Variants in MGAT5 observed in about 807,000 individuals in gnomAD.
The protein encoded by MGAT5 is alpha-1,6-mannosylglycoprotein 6-beta-N-acetylglucosaminyltransferase A.
A neutral mutation model predicts 94.3 loss-of-function variants in MGAT5; 30 were observed. That is an observed-to-expected ratio of 0.32 (90% CI 0.24 to 0.43). The LOEUF (loss-of-function observed/expected upper bound fraction) is 0.43, where lower values mean the gene tolerates loss of function less well. Ranked by LOEUF, MGAT5 falls within the 20% of genes least tolerant of loss-of-function variation. The probability of loss-of-function intolerance (pLI) is 1.00; values close to 1 mark genes in which losing one functional copy is unlikely to be tolerated. For missense variants in MGAT5, 691 were observed against 905.5 expected (o/e 0.76, Z 3.04); for synonymous variants, 310 against 322.9 (o/e 0.96, Z 0.43).
At chr2:134,197,369 A>G (rs750205016) in intron 1 of MGAT5, among the ~76,000 whole-genome samples, 2 of 152,242 alleles carry the variant, frequency 1.3e-5, no homozygotes, top group Non-Finnish European at 2.9e-5. Context: ...TGAGTAATTT[A>G]TATGAGAGAG....
intron 1 of MGAT5, among the ~76,000 whole-genome samples, chr2:134,137,826 A>T (rs1311659751): frequency 6.6e-6 from 1 of 152,036 alleles, no homozygotes; most frequent in Non-Finnish European, 1.5e-5. Context: ...TTACTGTTTA[A>T]AGATAATGTA....
At chr2:134,243,043 G>C (rs2105452653) in intron 1 of MGAT5, among the ~76,000 whole-genome samples, 1 of 151,762 alleles carries the variant, frequency 6.6e-6, no homozygotes, top group South Asian at 2.1e-4. Context: ...TGGGGTGGGA[G>C]AAGAGCAGAG....
chr2:134,298,796 T>C (rs1160598298), intron 2 of MGAT5, among the ~76,000 whole-genome samples: 1 of 152,092 alleles, frequency 6.6e-6, no homozygotes, highest in African/African-American at 2.4e-5. Flanking sequence ...AGTGTGTTTA[T>C]GTAGGCAGGA....
At chr2:134,343,006 T>G (rs1172756269) in intron 7 of MGAT5, among the ~76,000 whole-genome samples, 1 of 152,206 alleles carries the variant, frequency 6.6e-6, no homozygotes, top group Non-Finnish European at 1.5e-5. Context: ...CACTGTGTAG[T>G]GGGCACCTAG....
intron 1 of MGAT5, among the ~76,000 whole-genome samples, chr2:134,217,238 G>GGTGTGTGTGTGTGTGTGTGTGTGTGT (rs35795776): frequency 9.2e-4 from 134 of 145,218 alleles, no homozygotes; most frequent in African/African-American, 3.1e-3. Flanking sequence ...GAGAGAGAGT[G>GGTGTGTGTGTGTGTGTGTGTGTGTGT]GTGTGTGTGT....
rs1390441029 is a variant in MGAT5 at position 134,448,873 on chromosome 2, T to C, written c.*26T>C. 3.7e-6 allele frequency: 6 copies of C among 1,604,452 alleles called. No individual in the cohort carries two copies. The highest frequency in any genetic ancestry group is 2.7e-5 in the African/African-American group (2 of 74,738). On this transcript the variant is annotated 3_prime_UTR_variant, in exon 16 of 16. Transcript: ENST00000281923. ...CAGCTACCTGCTCAGCCCTGCACCA[T>C]GCTGCTGGGGAAGACAGTGGCCCCA... is the stretch of plus-strand genomic sequence containing the variant.
intron 12 of MGAT5, among the ~76,000 whole-genome samples, chr2:134,414,168 T>G (rs75096291): frequency 1.1e-4 from 17 of 151,880 alleles, no homozygotes; most frequent in South Asian, 4.2e-4. Flanking sequence ...TGGTTTTTTT[T>G]TTTTTTCCTT....
At chr2:134,175,811 G>A (rs1005030703) in intron 1 of MGAT5, among the ~76,000 whole-genome samples, 10 of 152,134 alleles carry the variant, frequency 6.6e-5, no homozygotes, top group Non-Finnish European at 1.2e-4. Flanking sequence ...GGTGGAGGCC[G>A]CTTTACTTTG....
intron 2 of MGAT5, among the ~76,000 whole-genome samples, chr2:134,274,016 C>G (rs1455014013): frequency 6.6e-6 from 1 of 152,196 alleles, no homozygotes; most frequent in African/African-American, 2.4e-5. Flanking sequence ...AAGACCCATT[C>G]TGTCTTTCTC....
intron 4 of MGAT5, among the ~76,000 whole-genome samples, chr2:134,326,038 TTCTC>T (rs61556184): frequency 1.5e-5 from 2 of 135,542 alleles, no homozygotes; most frequent in African/African-American, 5.5e-5. Context: ...TGATTTCTCT[TTCTC>T]TCTCTCTCTC....
intron 1 of MGAT5, among the ~76,000 whole-genome samples, chr2:134,226,617 C>G (rs1483135112): frequency 1.3e-5 from 2 of 152,090 alleles, no homozygotes; most frequent in African/African-American, 2.4e-5. Flanking sequence ...GCAAATATTT[C>G]AAGATGATGT....
chr2:134,261,014 G>GCCAGGCCAAGTTCACAAGCACGC (rs1683300535), intron 1 of MGAT5, among the ~76,000 whole-genome samples: 1 of 152,078 alleles, frequency 6.6e-6, no homozygotes, highest in African/African-American at 2.4e-5. Flanking sequence ...CCTCATCAAA[G>GCCAGGCCAAGTTCACAAGCACGC]CCAGGCCAAG....
At chr2:134,405,055 C>T (rs1242686152) in intron 11 of MGAT5, among the ~76,000 whole-genome samples, 2 of 152,220 alleles carry the variant, frequency 1.3e-5, no homozygotes, top group Non-Finnish European at 2.9e-5. Context: ...CTTTTATTAA[C>T]CCAACCTCAT....
intron 10 of MGAT5, among the ~76,000 whole-genome samples, chr2:134,401,181 G>A (rs781033953): frequency 1.1e-4 from 16 of 151,670 alleles, no homozygotes; most frequent in Non-Finnish European, 1.9e-4. Context: ...GACTGTCTGC[G>A]TCTTCCCCTC....
chr2:134,269,867 G>A (rs1683921488), intron 1 of MGAT5, among the ~76,000 whole-genome samples: 1 of 152,162 alleles, frequency 6.6e-6, no homozygotes, highest in African/African-American at 2.4e-5. Flanking sequence ...GTCAACTCTG[G>A]GTTACCTAGC....
At position 134,342,609 on chromosome 2, in the gene MGAT5, G is replaced by A. The variant is rs144560111; in HGVS notation, c.977+850G>A. Among the ~76,000 whole-genome samples, 594 of 151,972 alleles carry A rather than the reference G, an allele frequency of 3.9e-3. 6 individuals carry two copies. Among genetic ancestry groups the A allele is most frequent in the East Asian group, 0.023 (119 of 5,152 alleles). ...TGTACTAAAAATACAAGAATTAACC[G>A]GGTGTGGTGGCCCATGCCTGTAGTC... On this transcript the variant is annotated intron_variant, in intron 7 of 15. Coordinates refer to ENST00000281923, the MANE Select transcript of MGAT5 (RefSeq NM_002410.5).
intron 2 of MGAT5, among the ~76,000 whole-genome samples, chr2:134,271,200 C>T (rs1684005343): frequency 6.6e-6 from 1 of 151,522 alleles, no homozygotes; most frequent in South Asian, 2.1e-4. Flanking sequence ...ATGTTGTTGC[C>T]TGCAGCTCAC....
chr2:134,418,856 C>G (rs959836101), intron 12 of MGAT5, among the ~76,000 whole-genome samples: 11 of 152,286 alleles, frequency 7.2e-5, no homozygotes, highest in African/African-American at 2.6e-4. Flanking sequence ...CTAGCTCCCT[C>G]CAGCAACATC....
intron 1 of MGAT5, among the ~76,000 whole-genome samples, chr2:134,134,090 A>G (rs1008577189): frequency 2.0e-5 from 3 of 152,304 alleles, no homozygotes; most frequent in African/African-American, 7.2e-5. Flanking sequence ...ACTTTTAGCA[A>G]CAGGGAAGCG....
Sources: allele counts gnomAD v4.1 joint callset (sites outside exome capture counted in the v4.1 genomes callset), GRCh38; gene constraint gnomAD v4.1.1; transcripts MANE v1.5; gene names NCBI Gene and HGNC (gene_info 2026-07-23, HGNC 2026-07-21).